ST6GALNAC5: variants seen among roughly 807,000 people sequenced by gnomAD.
ST6GALNAC5 encodes the protein alpha-N-acetylgalactosaminide alpha-2,6-sialyltransferase 5.
Under a neutral mutation model 33.6 loss-of-function variants are expected in ST6GALNAC5, and 27 were observed. The observed-to-expected ratio is 0.80, with a 90% CI of 0.59 to 1.11. The LOEUF (loss-of-function observed/expected upper bound fraction) is 1.11, where lower values mean the gene tolerates loss of function less well. Among genes scored for constraint, ST6GALNAC5 ranks in the 50% least tolerant of loss-of-function variants. The pLI is 0.00. For missense variants in ST6GALNAC5, 428 were observed against 454.0 expected, an observed-to-expected ratio of 0.94 and a Z score of 0.52; for synonymous variants, 194 against 171.2, an observed-to-expected ratio of 1.13 and a Z score of -1.04.
At position 77,050,290 on chromosome 1, in the gene ST6GALNAC5, GGTTTAC is replaced by G. The variant is rs748112880; in HGVS notation, c.705_710del (p.Trp235_Thr237delinsTer). 6.2e-7 allele frequency: 1 copy of G among 1,614,044 alleles called. No homozygotes were observed. The highest frequency in any genetic ancestry group is 1.1e-5 in the South Asian group (1 of 91,080). On this transcript the variant is annotated stop_gained and inframe_deletion, in exon 4 of 5. Transcript: ENST00000477717. LOFTEE classifies it high-confidence loss of function. ...TCCAACACTTGGCTCAGCACTGGCT[GGTTTAC>G]AATGACAATTGCACTGGAGCTCTGT...
chr1:76,911,558 G>T (rs1300638654), intron 2 of ST6GALNAC5, among the ~76,000 whole-genome samples: 1 of 152,078 alleles, frequency 6.6e-6, no homozygotes, highest in African/African-American at 2.4e-5. Flanking sequence ...ATTCGGCTGT[G>T]AATCCATCTG....
chr1:77,033,344 G>A (rs1651529631), intron 2 of ST6GALNAC5, among the ~76,000 whole-genome samples: 1 of 152,204 alleles, frequency 6.6e-6, no homozygotes, highest in African/African-American at 2.4e-5. Context: ...TGGCACTCCT[G>A]TTTTAGTGGC....
intron 4 of ST6GALNAC5, among the ~76,000 whole-genome samples, chr1:77,057,363 G>A (rs1411678998): frequency 6.6e-6 from 1 of 152,162 alleles, no homozygotes; most frequent in Admixed American, 6.5e-5. Flanking sequence ...ATTAACAAGA[G>A]AAAAGCATAC....
intron 2 of ST6GALNAC5, among the ~76,000 whole-genome samples, chr1:76,949,815 A>C (rs980156053): frequency 5.9e-5 from 9 of 152,118 alleles, no homozygotes; most frequent in African/African-American, 1.9e-4. Context: ...TAACTTCTAA[A>C]TGCTCACAAA....
intron 2 of ST6GALNAC5, among the ~76,000 whole-genome samples, chr1:77,008,301 T>C (rs1391116333): frequency 2.0e-5 from 3 of 152,126 alleles, no homozygotes; most frequent in Non-Finnish European, 4.4e-5. Flanking sequence ...GGAGACAGCA[T>C]GTAGTAGTAT....
chr1:77,051,377 G>C (rs1345094036), intron 4 of ST6GALNAC5, among the ~76,000 whole-genome samples: 1 of 152,180 alleles, frequency 6.6e-6, no homozygotes, highest in Admixed American at 6.5e-5. Flanking sequence ...GGAGGAGAGA[G>C]AGGTACAGAT....
intron 2 of ST6GALNAC5, among the ~76,000 whole-genome samples, chr1:76,915,924 A>C (rs1252578): frequency 0.47 from 70,971 of 150,014 alleles, 17,298 homozygotes; most frequent in African/African-American, 0.57. Flanking sequence ...TAATAATAAT[A>C]ATTTTTTTCT....
chr1:77,019,018 C>A (rs998613273), intron 2 of ST6GALNAC5, among the ~76,000 whole-genome samples: 2 of 152,142 alleles, frequency 1.3e-5, no homozygotes, highest in African/African-American at 4.8e-5. Context: ...TTCCTTGAAG[C>A]CTCTAGAGGA....
intron 2 of ST6GALNAC5, among the ~76,000 whole-genome samples, chr1:77,040,536 AAG>A (rs1161735643): frequency 6.6e-6 from 1 of 151,194 alleles, no homozygotes; most frequent in Non-Finnish European, 1.5e-5. Flanking sequence ...CCTTCTCGGA[AAG>A]AGTGTTCAGC....
chr1:77,014,144 C>A (rs1460364329), intron 2 of ST6GALNAC5, among the ~76,000 whole-genome samples: 1 of 152,222 alleles, frequency 6.6e-6, no homozygotes, highest in Non-Finnish European at 1.5e-5. Context: ...TTTTCTATTT[C>A]ATAATTGATA....
chr1:76,964,715 C>T (rs1648386411), intron 2 of ST6GALNAC5, among the ~76,000 whole-genome samples: 2 of 152,082 alleles, frequency 1.3e-5, no homozygotes, highest in Admixed American at 6.6e-5. Context: ...CCCATTAACT[C>T]GTCATTTACA....
intron 2 of ST6GALNAC5, among the ~76,000 whole-genome samples, chr1:76,915,202 G>A (rs535559721): frequency 2.0e-5 from 3 of 151,548 alleles, no homozygotes; most frequent in Non-Finnish European, 2.9e-5. Flanking sequence ...AACAGGTGCT[G>A]GAGAGGATGT....
At chr1:77,002,017 G>A (rs1427317358) in intron 2 of ST6GALNAC5, among the ~76,000 whole-genome samples, 5 of 152,162 alleles carry the variant, frequency 3.3e-5, no homozygotes, top group African/African-American at 9.7e-5. Context: ...AATGAGTTAG[G>A]AAGGATTCCC....
At chr1:76,894,637 C>T (rs1268948912) in intron 2 of ST6GALNAC5, among the ~76,000 whole-genome samples, 3 of 152,186 alleles carry the variant, frequency 2.0e-5, no homozygotes, top group Admixed American at 2.0e-4. Flanking sequence ...TTCAGCAGTA[C>T]AGCTTCATAA....
At position 76,871,746 on chromosome 1, in the gene ST6GALNAC5, C is replaced by G. The variant is rs534605645; in HGVS notation, c.261+3004C>G. Among the ~76,000 whole-genome samples the G allele has an allele frequency of 2.1e-4, 32 of 152,254 alleles. No homozygotes were observed. The South Asian group carries it at 6.4e-3, about 31-fold the overall frequency. Reference sequence around the variant, plus strand: ...CTTCCTCTTTCACAAACTATGTGAGCTGCAATTGTAATTTCAGTATCACTA... The same window carrying G: ...CTTCCTCTTTCACAAACTATGTGAGGTGCAATTGTAATTTCAGTATCACTA... On this transcript the variant is annotated intron_variant, in intron 2 of 4. Coordinates refer to ENST00000477717, the MANE Select transcript of ST6GALNAC5 (RefSeq NM_030965.3).
intron 2 of ST6GALNAC5, among the ~76,000 whole-genome samples, chr1:76,972,211 C>T (rs903794234): frequency 3.9e-5 from 6 of 152,232 alleles, no homozygotes; most frequent in Admixed American, 1.3e-4. Flanking sequence ...AAGAAGAGAG[C>T]GTGTGCAGGG....
chr1:76,867,871 A>G (rs560416010), intron 1 of ST6GALNAC5, among the ~76,000 whole-genome samples, 181 bp downstream of exon 1: 1 of 152,062 alleles, frequency 6.6e-6, no homozygotes, highest in South Asian at 2.1e-4. Context: ...CCTGGCTCGG[A>G]ATCCCAGAGC....
At chr1:76,975,508 C>T (rs188935579) in intron 2 of ST6GALNAC5, among the ~76,000 whole-genome samples, 2 of 152,222 alleles carry the variant, frequency 1.3e-5, no homozygotes, top group Middle Eastern at 3.4e-3. Context: ...TCTACAGGTT[C>T]ATTAACAGAT....
chr1:77,044,504 A>T lies in ST6GALNAC5; in HGVS notation c.562A>T (p.Asn188Tyr), dbSNP rs1298861835. 6.2e-7 allele frequency: 1 copy of T among 1,612,812 alleles called. No homozygotes were observed. Among genetic ancestry groups the T allele is most frequent in the East Asian group, 2.2e-5 (1 of 44,822 alleles). Residue 188 changes from asparagine (N) to tyrosine (Y), a missense_variant, in exon 3 of 5, where the codon AAC (asparagine) becomes TAC (tyrosine). Asn to Tyr is a moderately radical substitution (Grantham distance 143). Coordinates refer to ENST00000477717, the MANE Select transcript of ST6GALNAC5 (RefSeq NM_030965.3). ...GGACGGCAAGGGCCAGGTCTACAAC[A>T]ACCTGCATCTCCTGAGCCAGGTGCT... ...RRDGKGQVYNNLHLLSQVLPR... is the reference protein window; with the variant it reads ...RRDGKGQVYNYLHLLSQVLPR...
Sources: gnomAD v4.1 joint callset for allele counts (sites outside exome capture counted in the v4.1 genomes callset) on GRCh38, gnomAD v4.1.1 for gene constraint, MANE v1.5 for transcripts, NCBI Gene and HGNC (gene_info 2026-07-23, HGNC 2026-07-21) for gene names.